KRT9: variants seen among roughly 807,000 people sequenced by gnomAD.
KRT9 encodes the protein keratin, type I cytoskeletal 9.
KRT9 carries 34 observed loss-of-function variants against 51.4 expected under a neutral mutation model. The ratio of observed to expected loss-of-function variants is 0.66; its 90% CI spans 0.50 to 0.88. KRT9 has a LOEUF of 0.88. KRT9 is among the 40% of genes least tolerant of loss of function. The probability of loss-of-function intolerance (pLI) is 0.00; values close to 1 mark genes in which losing one functional copy is unlikely to be tolerated. For synonymous variants in KRT9, 292 were observed against 289.7 expected (o/e 1.01, Z -0.08); for missense variants, 753 against 790.3 (o/e 0.95, Z 0.57).
chr17:41,571,683 C>A lies in KRT9; in HGVS notation c.310G>T (p.Gly104Cys), dbSNP rs868735223. The A allele has an allele frequency of 1.2e-6, 2 of 1,605,860 alleles. No homozygotes were observed. Among genetic ancestry groups the A allele is most frequent in the African/African-American group, 2.7e-5 (2 of 74,120 alleles). The change falls in exon 1 of 8, where the codon GGC becomes TGC. Residue 104 changes from glycine to cysteine, a missense_variant. Around this residue, in one of 3 missense-constraint regions of KRT9, gnomAD observed 241 missense variants for 210.3 expected, o/e 1.15. Coordinates refer to ENST00000246662, the MANE Select transcript of KRT9 (RefSeq NM_000226.4). ...CCAAAACCCCCAGAACTACTATAGC[C>A]TCCTCCAGAAGCACCACCAAAACCT... ...SRGFGGASGGGYSSSGGFGGG... is the reference protein window; with the variant it reads ...SRGFGGASGGCYSSSGGFGGG...
At chr17:41,568,094 A>C in intron 6 of KRT9, 68 bp downstream of exon 6, 1 of 1,350,784 alleles carries the variant, frequency 7.4e-7, no homozygotes, top group Non-Finnish European at 1.1e-6. Flanking sequence ...GCCTCTATCC[A>C]GAGGGACAGA....
rs1191037691 is a variant in KRT9 at position 41,567,504 on chromosome 17, T to C, written c.1641A>G (p.Gly547=). Residue 547 remains glycine, a synonymous_variant, in exon 7 of 8, where the codon GGA becomes GGG. Transcript: ENST00000246662. ...GSGGGHSGGS[G]GGHSGGSGGN... is the part of the protein sequence containing the mutation. Reference sequence around the variant, plus strand: ...CCCCACTTCCTCCACTATGACCACCTCCACTTCCTCCGCTATGGCCACCTC... The same window carrying C: ...CCCCACTTCCTCCACTATGACCACCCCCACTTCCTCCGCTATGGCCACCTC... 1.9e-6 allele frequency: 3 copies of C among 1,544,338 alleles called. No homozygotes were observed. Among genetic ancestry groups the C allele is most frequent in the African/African-American group, 1.4e-5 (1 of 69,684 alleles).
At position 41,567,419 on chromosome 17, in the gene KRT9, T is replaced by C; in HGVS notation, c.1726A>G (p.Ser576Gly). ...CCTCCACTTCCTCCCCTGGACCCACTTCCTCCACCATAGCCACCCCCACTT... is the reference window on the plus strand; with the variant it reads ...CCTCCACTTCCTCCCCTGGACCCACCTCCTCCACCATAGCCACCCCCACTT... ...GGSGGGYGGG[S>G]GSRGGSGGSH... is the part of the protein sequence containing the mutation. The change falls in exon 7 of 8, where the codon AGT (serine) becomes GGT (glycine). Residue 576 changes from serine (S) to glycine (G), a missense_variant. By Grantham distance (56) the Ser-to-Gly change is moderately conservative. Around this residue, in one of 3 missense-constraint regions of KRT9, gnomAD observed 507 missense variants for 563.7 expected, o/e 0.90. Transcript: ENST00000246662. The C allele has an allele frequency of 3.2e-6, 5 of 1,571,392 alleles. No individual in the cohort carries two copies. The highest frequency in any genetic ancestry group is 4.3e-6 in the Non-Finnish European group (5 of 1,157,396).
At chr17:41,569,660 T>TC (rs1205506976) in intron 3 of KRT9, 73 bp from the exon 4 acceptor site, 1 of 1,582,246 alleles carries the variant, frequency 6.3e-7, no homozygotes, top group Non-Finnish European at 8.7e-7. Context: ...CTCCCTCTGG[T>TC]CCCCCCAGGG....
intron 1 of KRT9, 74 bp downstream of exon 1, chr17:41,571,277 A>G: frequency 7.6e-7 from 1 of 1,313,740 alleles, no homozygotes; most frequent in African/African-American, 1.4e-5. Flanking sequence ...CTTAGAGTTT[A>G]GCATTTTAAC....
chr17:41,567,276 G>T lies in KRT9; in HGVS notation c.1869C>A (p.Ser623=). 6.2e-7 allele frequency: 1 copy of T among 1,614,036 alleles called. No individual in the cohort carries two copies. The highest frequency in any genetic ancestry group is 8.5e-7 in the Non-Finnish European group (1 of 1,180,018). ...CACCAGATTTTGAGGAAGAAGACTA[G>T]GAATGGGATGATTTTCCGCTTCCTC... ...YGGGSGKSSH[S] The change falls in exon 7 of 8, where the codon TCC becomes TCA. Residue 623 remains serine (S), a synonymous_variant. Transcript: ENST00000246662.
intron 1 of KRT9, among the ~76,000 whole-genome samples, chr17:41,570,493 G>A (rs576953315): frequency 6.6e-6 from 1 of 152,316 alleles, no homozygotes; most frequent in South Asian, 2.1e-4. Context: ...TGTTCCTCAG[G>A]GAGCCCACCA....
At chr17:41,568,069 G>T in intron 6 of KRT9, 93 bp downstream of exon 6, 1 of 1,191,894 alleles carries the variant, frequency 8.4e-7, no homozygotes, top group Non-Finnish European at 1.2e-6. Context: ...CTGTGTATAA[G>T]AACTTCCCCC....
chr17:41,571,199 C>G, intron 1 of KRT9, 152 bp downstream of exon 1: 1 of 811,154 alleles, frequency 1.2e-6, no homozygotes, highest in Non-Finnish European at 2.1e-6. Flanking sequence ...CCCCAGAAAC[C>G]AAACACAAGT....
At chr17:41,568,109 G>T in intron 6 of KRT9, 53 bp downstream of exon 6, 1 of 1,451,506 alleles carries the variant, frequency 6.9e-7, no homozygotes, top group Non-Finnish European at 9.6e-7. Context: ...GACAGAAGTA[G>T]TATCAGAGGC....
chr17:41,567,354 T>G lies in KRT9; in HGVS notation c.1791A>C (p.Gly597=). The part of the protein sequence containing the change: ...GGGSGFGGES[G]GSYGGGEEAS... ...CTTCTTCACCGCCTCCGTAGCTGCC[T>G]CCACTTTCACCTCCAAAACCACTTC... Residue 597 remains glycine (G), a synonymous_variant, in exon 7 of 8, where the codon GGA becomes GGC. Transcript: ENST00000246662. 1 of 1,613,406 alleles carries G rather than the reference T, an allele frequency of 6.2e-7. No individual in the cohort carries two copies. Among genetic ancestry groups the G allele is most frequent in the Non-Finnish European group, 8.5e-7 (1 of 1,179,654 alleles).
In KRT9 at chr17:41,568,386, C is replaced by G. The variant is rs2144568622; in HGVS notation, c.1171-1G>C. The G allele has an allele frequency of 1.9e-6, 3 of 1,614,126 alleles. No homozygotes were observed. Among genetic ancestry groups the G allele is most frequent in the East Asian group, 2.2e-5 (1 of 44,884 alleles). On this transcript the variant is annotated splice_acceptor_variant, in intron 5 of 7. Transcript: ENST00000246662. LOFTEE classifies it high-confidence loss of function. The stretch of plus-strand genomic sequence containing the variant: ...CCAAGCTCTTCTCCAGAGCTGCTTT[C>G]TAAGGGTTAGGAGAAGGCTTTAAGA...
Position 41,569,856 on chromosome 17 carries a change from T to C in KRT9, c.882+3A>G, listed in dbSNP as rs1221720082. ...CGGTAAGCCATAAGCCCCAGCAACC[T>C]ACCTCCTTATGATTCTTCTTGAGGG... On this transcript the variant is annotated splice_donor_region_variant and intron_variant, in intron 3 of 7. Coordinates refer to ENST00000246662, the MANE Select transcript of KRT9 (RefSeq NM_000226.4). 1 of 1,614,130 alleles carries C rather than the reference T, an allele frequency of 6.2e-7. No homozygotes were observed. Among genetic ancestry groups the C allele is most frequent in the Middle Eastern group, 1.7e-4 (1 of 6,060 alleles).
chr17:41,571,847 G>A lies in KRT9; in HGVS notation c.146C>T (p.Ser49Phe), dbSNP rs776605756. Residue 49 changes from serine to phenylalanine, a missense_variant, in exon 1 of 8, where the codon TCT becomes TTT. By Grantham distance (155) the Ser-to-Phe change is radical. Transcript: ENST00000246662. ...GGGGGGGRFSSSSGYGGGSSR... is the reference protein window; with the variant it reads ...GGGGGGGRFSFSSGYGGGSSR... Reference sequence around the variant, plus strand: ...GCTTCCCCCACCATAGCCACTAGAAGAGCTGAATCGGCCCCCTCCTCCACC... The same window carrying A: ...GCTTCCCCCACCATAGCCACTAGAAAAGCTGAATCGGCCCCCTCCTCCACC... 7 of 1,612,172 alleles carry A rather than the reference G, an allele frequency of 4.3e-6. No homozygotes were observed. The highest frequency in any genetic ancestry group is 1.7e-5 in the Admixed American group (1 of 59,900).
intron 7 of KRT9, among the ~76,000 whole-genome samples, 167 bp from the exon 8 acceptor site, chr17:41,566,319 T>G (rs80030848): frequency 6.6e-6 from 1 of 152,140 alleles, no homozygotes; most frequent in Non-Finnish European, 1.5e-5. Flanking sequence ...AATCTACTGG[T>G]CCCCATCTAA....
rs747832337 is a variant in KRT9, at chr17:41,568,376, G to C, written c.1180C>G (p.Leu394Val). 26 of 1,614,138 alleles carry C rather than the reference G, an allele frequency of 1.6e-5. No individual in the cohort carries two copies. Among genetic ancestry groups the C allele is most frequent in the Non-Finnish European group, 2.1e-5 (25 of 1,180,010 alleles). Residue 394 changes from leucine (L) to valine (V), a missense_variant, in exon 6 of 8, where the codon CTG (leucine) becomes GTG (valine). This residue lies in a region of KRT9 where 507 missense variants were observed against 563.7 expected (regional missense o/e 0.90). Transcript: ENST00000246662. ...TTCGTGTCTTCCAAGCTCTTCTCCAGAGCTGCTTTCTAAGGGTTAGGAGAA... is the reference window on the plus strand; with the variant it reads ...TTCGTGTCTTCCAAGCTCTTCTCCACAGCTGCTTTCTAAGGGTTAGGAGAA... ...LQSQLSKKAA[L>V]EKSLEDTKNR...
In KRT9 at chr17:41,571,401, G is replaced by A. The variant is rs374614836; in HGVS notation, c.592C>T (p.Gln198Ter). ...WYDKKGPAAIQKNYSPYYNTI... is the reference protein window; with the variant it reads ...WYDKKGPAAI ...TTATAATAAGGGGAGTAGTTCTTCTGGATAGCAGCAGGTCCCTTCTTGTCG... is the reference window on the plus strand; with the variant it reads ...TTATAATAAGGGGAGTAGTTCTTCTAGATAGCAGCAGGTCCCTTCTTGTCG... The change falls in exon 1 of 8, where the codon CAG becomes TAG. Residue 198 changes from glutamine (Q) to a stop codon, truncating the protein, a stop_gained. Coordinates refer to ENST00000246662, the MANE Select transcript of KRT9 (RefSeq NM_000226.4). LOFTEE classifies it high-confidence loss of function. 1.9e-6 allele frequency: 3 copies of A among 1,614,050 alleles called. No individual in the cohort carries two copies. Among genetic ancestry groups the A allele is most frequent in the Non-Finnish European group, 2.5e-6 (3 of 1,180,010 alleles).
chr17:41,569,324 G>A (rs1906988992), intron 4 of KRT9, 102 bp downstream of exon 4: 1 of 1,139,704 alleles, frequency 8.8e-7, no homozygotes, highest in South Asian at 1.3e-5. Flanking sequence ...CAGCTGCACT[G>A]AGAGATGCAG....
intron 4 of KRT9, 27 bp downstream of exon 4, chr17:41,569,399 G>A: frequency 6.2e-7 from 1 of 1,609,676 alleles, no homozygotes; most frequent in Non-Finnish European, 8.5e-7. Context: ...AGGGGAGGAG[G>A]ATGAATGGGC....
Sources: gnomAD v4.1 joint callset for allele counts (sites outside exome capture counted in the v4.1 genomes callset) on GRCh38, gnomAD v4.1.1 for gene constraint, gnomAD v4.1.1 regional missense constraint, MANE v1.5 for transcripts, NCBI Gene and HGNC (gene_info 2026-07-23, HGNC 2026-07-21) for gene names.